AKAP11: variants seen among roughly 807,000 people sequenced by gnomAD.
The protein encoded by AKAP11 is A-kinase anchoring protein 11.
A neutral mutation model predicts 146.1 loss-of-function variants in AKAP11; 36 were observed. That is an observed-to-expected ratio of 0.25 (90% CI 0.19 to 0.33). The LOEUF (loss-of-function observed/expected upper bound fraction) is 0.33, where lower values mean the gene tolerates loss of function less well. Among genes scored for constraint, AKAP11 ranks in the 10% least tolerant of loss-of-function variants. The probability of loss-of-function intolerance (pLI) is 1.00; values close to 1 mark genes in which losing one functional copy is unlikely to be tolerated. For synonymous variants in AKAP11, 780 were observed against 786.5 expected, an observed-to-expected ratio of 0.99 and a Z score of 0.14; for missense variants, 2,201 against 2,197.0, an observed-to-expected ratio of 1.00 and a Z score of -0.04.
chr13:42,310,277 G>T (rs1403444060), intron 9 of AKAP11, among the ~76,000 whole-genome samples: 1 of 152,152 alleles, frequency 6.6e-6, no homozygotes, highest in Non-Finnish European at 1.5e-5. Context: ...GTGGCATTAA[G>T]GTTCTGGCAC....
intron 1 of AKAP11, among the ~76,000 whole-genome samples, chr13:42,274,222 A>G (rs1303352021): frequency 6.6e-6 from 1 of 152,152 alleles, no homozygotes; most frequent in Non-Finnish European, 1.5e-5. Flanking sequence ...TTGAAGGGTG[A>G]GGACAGGTCG....
chr13:42,276,406 C>G (rs1958919575), intron 1 of AKAP11, among the ~76,000 whole-genome samples: 1 of 152,094 alleles, frequency 6.6e-6, no homozygotes, highest in African/African-American at 2.4e-5. Flanking sequence ...GCTACCACGC[C>G]TAGCTAATTT....
chr13:42,285,912 T>C (rs1959159300), intron 1 of AKAP11, 74 bp from the exon 2 acceptor site: 1 of 152,576 alleles, frequency 6.6e-6, no homozygotes, highest in African/African-American at 2.4e-5. Flanking sequence ...GGCAGGGAAG[T>C]TGGAATTCTT....
rs1253658120 is a variant in AKAP11, at chr13:42,298,572, C to A, written c.391C>A (p.Pro131Thr). 1 of 1,612,072 alleles carries A rather than the reference C, an allele frequency of 6.2e-7. No individual in the cohort carries two copies. Among genetic ancestry groups the A allele is most frequent in the Non-Finnish European group, 8.5e-7 (1 of 1,179,190 alleles). Residue 131 changes from proline (P) to threonine (T), a missense_variant, in exon 7 of 13, where the codon CCT becomes ACT. Coordinates refer to ENST00000025301, the MANE Select transcript of AKAP11 (RefSeq NM_016248.4). ...SGMLCVMRVS[P>T]TSPRLRIDFI... ...AATGCTTTGTGTCATGAGAGTGTCACCTACATCACCAAGACTTAGGATTGA... is the reference window on the plus strand; with the variant it reads ...AATGCTTTGTGTCATGAGAGTGTCAACTACATCACCAAGACTTAGGATTGA...
At chr13:42,282,054 C>T (rs943152608) in intron 1 of AKAP11, among the ~76,000 whole-genome samples, 3 of 151,220 alleles carry the variant, frequency 2.0e-5, no homozygotes, top group Non-Finnish European at 4.4e-5. Context: ...CTGCAACCTC[C>T]GTCTCTTGGG....
chr13:42,303,497 G>GTGA lies in AKAP11; in HGVS notation c.4752_4753insGAT (p.Gly1584_Gln1585insAsp). 6.2e-7 allele frequency: 1 copy of GTGA among 1,614,214 alleles called. No homozygotes were observed. The highest frequency in any genetic ancestry group is 1.3e-5 in the African/African-American group (1 of 75,062). On this transcript the variant is annotated inframe_insertion, in exon 8 of 13. Transcript: ENST00000025301. ...GCAGAAAAGTTGTCACCTCTTACAGGTCAAGCTTGCAGATACTGTGACCTT... is the reference window on the plus strand; with the variant it reads ...GCAGAAAAGTTGTCACCTCTTACAGGTGATCAAGCTTGCAGATACTGTGACCTT...
At chr13:42,273,275 TA>T (rs953446242) in intron 1 of AKAP11, among the ~76,000 whole-genome samples, 4 of 152,156 alleles carry the variant, frequency 2.6e-5, no homozygotes, top group African/African-American at 7.2e-5. Flanking sequence ...TGCACAGATA[TA>T]TTTTTTTTAA....
At position 42,303,032 on chromosome 13, in the gene AKAP11, G is replaced by T. The variant is rs1308479533; in HGVS notation, c.4286G>T (p.Arg1429Ile). The change falls in exon 8 of 13, where the codon AGA becomes ATA. Residue 1429 changes from arginine to isoleucine, a missense_variant. Around this residue, in one of 3 missense-constraint regions of AKAP11, gnomAD observed 1,867 missense variants for 1,833.5 expected, o/e 1.02. Coordinates refer to ENST00000025301, the MANE Select transcript of AKAP11 (RefSeq NM_016248.4). ...GCAGACAAAAAGAGACAAAGTAAAA[G>T]AAATGAAGGTTACTTTTGTAAAAAT... ...QEADKKRQSK[R>I]NEGYFCKNQT... is the part of the protein sequence containing the mutation. The T allele has an allele frequency of 1.2e-6, 2 of 1,612,694 alleles. No individual in the cohort carries two copies. Among genetic ancestry groups the T allele is most frequent in the African/African-American group, 1.3e-5 (1 of 74,642 alleles).
intron 6 of AKAP11, among the ~76,000 whole-genome samples, chr13:42,297,780 A>C (rs1054044526): frequency 1.3e-5 from 2 of 151,932 alleles, no homozygotes; most frequent in East Asian, 3.8e-4. Context: ...GAAAATTTAA[A>C]ATTTGGATTA....
intron 10 of AKAP11, 111 bp from the exon 11 acceptor site, chr13:42,313,783 G>A (rs1960678422): frequency 1.2e-6 from 1 of 853,330 alleles, no homozygotes; most frequent in African/African-American, 1.7e-5. Context: ...CTTTCTAAAT[G>A]TCATATGTCA....
In AKAP11 at chr13:42,302,364, C is replaced by T; in HGVS notation, c.3618C>T (p.Ile1206=). The change falls in exon 8 of 13, where the codon ATC becomes ATT. Residue 1206 remains isoleucine (I), a synonymous_variant. Transcript: ENST00000025301. ...VQFAEALATH[I]LSLATEMAAS... is the part of the protein sequence containing the mutation. ...TTGCAGAAGCATTAGCTACACACAT[C>T]CTTTCTCTTGCAACTGAAATGGCAG... The T allele has an allele frequency of 6.2e-7, 1 of 1,614,120 alleles. No homozygotes were observed. Among genetic ancestry groups the T allele is most frequent in the Non-Finnish European group, 8.5e-7 (1 of 1,180,014 alleles).
Position 42,303,400 on chromosome 13 carries a change from C to T in AKAP11, c.4654C>T (p.Leu1552=), listed in dbSNP as rs915785829. The T allele has an allele frequency of 4.3e-6, 7 of 1,613,856 alleles. No individual in the cohort carries two copies. The highest frequency in any genetic ancestry group is 5.1e-6 in the Non-Finnish European group (6 of 1,180,022). The change falls in exon 8 of 13, where the codon CTA becomes TTA. Residue 1552 remains leucine, a synonymous_variant. Transcript: ENST00000025301. ...TGCCAAAAAAGTAGTGGATGACACT[C>T]TAGAGCTAACTCTAGGATCTACAGT... The part of the protein sequence containing the change: ...QYAKKVVDDT[L]ELTLGSTVFR...
At chr13:42,279,715 A>C (rs1292637376) in intron 1 of AKAP11, among the ~76,000 whole-genome samples, 2 of 151,746 alleles carry the variant, frequency 1.3e-5, no homozygotes, top group African/African-American at 2.4e-5. Context: ...GTTATGGTTC[A>C]TATTTTTCTC....
chr13:42,302,075 G>A lies in AKAP11; in HGVS notation c.3329G>A (p.Arg1110Gln), dbSNP rs776320048. 2.0e-5 allele frequency: 33 copies of A among 1,613,940 alleles called. No homozygotes were observed. The highest frequency in any genetic ancestry group is 5.0e-5 in the Admixed American group (3 of 59,982). Residue 1110 changes from arginine to glutamine, a missense_variant, in exon 8 of 13, where the codon CGG becomes CAG. Physicochemically the swap from Arg to Gln is conservative, Grantham distance 43. Coordinates refer to ENST00000025301, the MANE Select transcript of AKAP11 (RefSeq NM_016248.4). ...TPPSTPLVPS[R>Q]ASSEWDIKKL... Reference sequence around the variant, plus strand: ...CCATCAACTCCTCTAGTACCATCCCGGGCTAGTTCTGAATGGGATATCAAG... The same window carrying A: ...CCATCAACTCCTCTAGTACCATCCCAGGCTAGTTCTGAATGGGATATCAAG...
chr13:42,295,212 A>G (rs1299755881), intron 4 of AKAP11, among the ~76,000 whole-genome samples: 1 of 152,202 alleles, frequency 6.6e-6, no homozygotes, highest in Non-Finnish European at 1.5e-5. Flanking sequence ...TGAGGGCGCA[A>G]CTGTGAAGTC....
intron 1 of AKAP11, among the ~76,000 whole-genome samples, chr13:42,273,275 T>C (rs925556051): frequency 2.6e-5 from 4 of 152,156 alleles, no homozygotes. Context: ...TGCACAGATA[T>C]ATTTTTTTTA....
At chr13:42,277,518 A>C (rs993207456) in intron 1 of AKAP11, among the ~76,000 whole-genome samples, 1 of 152,240 alleles carries the variant, frequency 6.6e-6, no homozygotes, top group Non-Finnish European at 1.5e-5. Context: ...TTATAAGTAG[A>C]TCTCAATCTG....
intron 4 of AKAP11, 140 bp from the exon 5 acceptor site, chr13:42,295,555 T>TGGG: frequency 2.6e-6 from 2 of 759,004 alleles, no homozygotes; most frequent in South Asian, 3.2e-5. Context: ...AAAATATTTT[T>TGGG]GGGTCATCTT....
intron 9 of AKAP11, among the ~76,000 whole-genome samples, chr13:42,309,171 A>G (rs1199909426): frequency 6.6e-6 from 1 of 152,134 alleles, no homozygotes; most frequent in East Asian, 1.9e-4. Flanking sequence ...CTCATATATA[A>G]CTTTTCTTAG....
Sources: gnomAD v4.1 joint callset for allele counts (sites outside exome capture counted in the v4.1 genomes callset) on GRCh38, gnomAD v4.1.1 for gene constraint, gnomAD v4.1.1 regional missense constraint, MANE v1.5 for transcripts, NCBI Gene and HGNC (gene_info 2026-07-23, HGNC 2026-07-21) for gene names.